CHMP7: variants seen among roughly 807,000 people sequenced by gnomAD.
CHMP7 encodes charged multivesicular body protein 7, also known as CHMP family, member 7.
CHMP7 carries 15 observed loss-of-function variants against 53.7 expected under a neutral mutation model. The ratio of observed to expected loss-of-function variants is 0.28; its 90% CI spans 0.19 to 0.43. The LOEUF (loss-of-function observed/expected upper bound fraction) is 0.43. CHMP7 is among the 20% of genes least tolerant of loss of function. The pLI is 1.00. For missense variants in CHMP7, 527 were observed against 569.4 expected (o/e 0.93, Z 0.76); for synonymous variants, 261 against 228.0 (o/e 1.14, Z -1.30).
intron 3 of CHMP7, among the ~76,000 whole-genome samples, chr8:23,254,185 C>CT (rs61432885): frequency 0.38 from 50,522 of 134,694 alleles, 9,406 homozygotes; most frequent in South Asian, 0.54. Context: ...TTCTGCTCAA[C>CT]TTTTTTTTTT....
chr8:23,258,390 A>C lies in CHMP7; in HGVS notation c.901A>C (p.Lys301Gln). The change falls in exon 7 of 11, where the codon AAG (lysine) becomes CAG (glutamine). Residue 301 changes from lysine to glutamine, a missense_variant. Physicochemically the swap from Lys to Gln is moderately conservative, Grantham distance 53. Coordinates refer to ENST00000397677, the MANE Select transcript of CHMP7 (RefSeq NM_152272.5). ...GAAGCGCATCGAGGCCTTGCATGCC[A>C]AGCTGGACACTGTTCAAGGCATCCT... ...TEKRIEALHAKLDTVQGILDR... is the reference protein window; with the variant it reads ...TEKRIEALHAQLDTVQGILDR... 6.2e-7 allele frequency: 1 copy of C among 1,614,104 alleles called. No homozygotes were observed. Among genetic ancestry groups the C allele is most frequent in the South Asian group, 1.1e-5 (1 of 91,074 alleles).
chr8:23,253,111 A>C (rs886248297), intron 3 of CHMP7, among the ~76,000 whole-genome samples: 4 of 151,904 alleles, frequency 2.6e-5, no homozygotes, highest in Non-Finnish European at 5.9e-5. Context: ...CTTCCTAAAC[A>C]GTGGTCTTCC....
At position 23,246,267 on chromosome 8, in the gene CHMP7, T is replaced by C. The variant is rs2128856194; in HGVS notation, c.-429T>C. ...TTCCCTCTATACAGAGATTCACGGATCCATCCGGGTGGTCCGGGCACCACT... is the reference window on the plus strand; with the variant it reads ...TTCCCTCTATACAGAGATTCACGGACCCATCCGGGTGGTCCGGGCACCACT... On this transcript the variant is annotated 5_prime_UTR_variant, in exon 2 of 11. Coordinates refer to ENST00000397677, the MANE Select transcript of CHMP7 (RefSeq NM_152272.5). 1 of 177,678 alleles carries C rather than the reference T, an allele frequency of 5.6e-6. No individual in the cohort carries two copies. The highest frequency in any genetic ancestry group is 1.2e-5 in the Non-Finnish European group (1 of 83,798). The allele number at this position is 177,678 out of a possible 1,614,324, so 11.0% of individuals were successfully genotyped here.
chr8:23,246,868 C>A lies in CHMP7; in HGVS notation c.173C>A (p.Pro58Gln). 1.3e-6 allele frequency: 2 copies of A among 1,593,912 alleles called. No homozygotes were observed. Among genetic ancestry groups the A allele is most frequent in the East Asian group, 2.3e-5 (1 of 43,798 alleles). Residue 58 changes from proline to glutamine, a missense_variant, in exon 2 of 11, where the codon CCG becomes CAG. Physicochemically the swap from Pro to Gln is moderately conservative, Grantham distance 76. Transcript: ENST00000397677. ...DWDSKMGFWA[P>Q]LVLSHSRRQG... ...GACAGCAAGATGGGCTTCTGGGCGC[C>A]GTTGGTGCTGAGCCACAGCCGCCGC... is the stretch of plus-strand genomic sequence containing the variant.
At chr8:23,244,960 A>G (rs562970123) in intron 1 of CHMP7, among the ~76,000 whole-genome samples, 195 of 152,172 alleles carry the variant, frequency 1.3e-3, no homozygotes, top group Non-Finnish European at 2.4e-3. Flanking sequence ...ATGGGAATTG[A>G]CTTTTATACA....
intron 1 of CHMP7, among the ~76,000 whole-genome samples, chr8:23,244,361 ATGTAGG>A (rs1331974809): frequency 1.3e-5 from 2 of 152,150 alleles, no homozygotes; most frequent in Admixed American, 6.5e-5. Flanking sequence ...TTGTTTTTGC[ATGTAGG>A]TGTACAGTTG....
chr8:23,257,961 C>A, intron 5 of CHMP7, 72 bp from the exon 6 acceptor site: 1 of 1,029,034 alleles, frequency 9.7e-7, no homozygotes, highest in Non-Finnish European at 1.5e-6. Context: ...GAGTGCTGCT[C>A]TCAGGGACCC....
chr8:23,256,489 C>A lies in CHMP7; in HGVS notation c.687C>A (p.Ala229=). 1 of 1,607,340 alleles carries A rather than the reference C, an allele frequency of 6.2e-7. No homozygotes were observed. Among genetic ancestry groups the A allele is most frequent in the African/African-American group, 1.3e-5 (1 of 74,930 alleles). ...KIVKFARGPR[A]KVSPVNDVDV... Reference sequence around the variant, plus strand: ...TGAAGTTTGCCCGAGGGCCACGTGCCAAGGTCTCTCCAGTCAATGACGTAG... The same window carrying A: ...TGAAGTTTGCCCGAGGGCCACGTGCAAAGGTCTCTCCAGTCAATGACGTAG... Residue 229 remains alanine (A), a synonymous_variant, in exon 5 of 11, where the codon GCC becomes GCA. Coordinates refer to ENST00000397677, the MANE Select transcript of CHMP7 (RefSeq NM_152272.5).
chr8:23,251,241 G>C, intron 3 of CHMP7, among the ~76,000 whole-genome samples: 1 of 152,214 alleles, frequency 6.6e-6, no homozygotes, highest in South Asian at 2.1e-4. Context: ...CAGAGAAACA[G>C]CCAGTAACTT....
Position 23,258,053 on chromosome 8 carries a change from G to T in CHMP7, c.812G>T (p.Arg271Leu). The change falls in exon 6 of 11, where the codon CGG becomes CTG. Residue 271 changes from arginine to leucine, a missense_variant. Arg to Leu is a moderately radical substitution (Grantham distance 102). Coordinates refer to ENST00000397677, the MANE Select transcript of CHMP7 (RefSeq NM_152272.5). Reference protein sequence around the residue: ...EAERCKEEARRACRAGKKQLA... With the variant: ...EAERCKEEARLACRAGKKQLA... ...TCCAGGTGTAAAGAAGAAGCCCGCC[G>T]GGCATGCCGAGCAGGAAAGAAGCAG... The T allele has an allele frequency of 1.2e-6, 2 of 1,613,284 alleles. No homozygotes were observed. The highest frequency in any genetic ancestry group is 1.7e-6 in the Non-Finnish European group (2 of 1,179,438).
intron 2 of CHMP7, among the ~76,000 whole-genome samples, chr8:23,248,926 C>G (rs1435817777): frequency 6.6e-6 from 1 of 152,196 alleles, no homozygotes; most frequent in Non-Finnish European, 1.5e-5. Flanking sequence ...CCTTTTGGTT[C>G]CAGACCTATC....
In CHMP7 at chr8:23,244,234, G is replaced by T. The variant is rs539989888; in HGVS notation, c.-441+390G>T. 2.0e-5 allele frequency among the ~76,000 whole-genome samples: 3 copies of T among 152,164 alleles called. No homozygotes were observed. The South Asian group carries it at 6.2e-4, about 32-fold the overall frequency. The stretch of plus-strand genomic sequence containing the variant: ...CTAAAAAGTAATCATGATGCCCAAG[G>T]TCATCTAGATGTTTTGTCTTCTAGG... On this transcript the variant is annotated intron_variant, in intron 1 of 10. Transcript: ENST00000397677.
intron 3 of CHMP7, 69 bp from the exon 4 acceptor site, chr8:23,255,177 CT>C: frequency 1.3e-6 from 2 of 1,527,460 alleles, no homozygotes; most frequent in Non-Finnish European, 1.8e-6. Context: ...GGTTTTGAAA[CT>C]CAGGGTCAGG....
At chr8:23,248,465 A>G (rs984290757) in intron 2 of CHMP7, among the ~76,000 whole-genome samples, 4 of 152,216 alleles carry the variant, frequency 2.6e-5, no homozygotes, top group African/African-American at 7.2e-5. Context: ...CCTAATAGTT[A>G]ACAGCTTTTG....
In CHMP7 at chr8:23,246,625, G is replaced by C; in HGVS notation, c.-71G>C. ...AGGAGGTGGTCAAGGAACGGAAGCC[G>C]GGAGGGAACGAGGGCGGAAGCGGAC... On this transcript the variant is annotated 5_prime_UTR_variant, in exon 2 of 11. Transcript: ENST00000397677. The C allele has an allele frequency of 7.5e-7, 1 of 1,332,216 alleles. No individual in the cohort carries two copies. The highest frequency in any genetic ancestry group is 1.4e-5 in the South Asian group (1 of 72,040). The allele number at this position is 1,332,216 out of a possible 1,614,324, so 82.5% of individuals were successfully genotyped here.
At chr8:23,257,147 G>T in intron 5 of CHMP7, among the ~76,000 whole-genome samples, 1 of 146,180 alleles carries the variant, frequency 6.8e-6, no homozygotes, top group Non-Finnish European at 1.5e-5. Flanking sequence ...CCCCTAGGCT[G>T]GAGAGCAGTG....
chr8:23,260,682 A>T lies in CHMP7; in HGVS notation c.*83A>T. The stretch of plus-strand genomic sequence containing the variant: ...ATAGTTATTTAAACAAGAAACTCTC[A>T]GAATGTGTTTGGAAGAGGAGAAAGG... On this transcript the variant is annotated 3_prime_UTR_variant, in exon 11 of 11. Transcript: ENST00000397677. The T allele has an allele frequency of 9.1e-7, 1 of 1,094,890 alleles. No homozygotes were observed. The highest frequency in any genetic ancestry group is 1.4e-6 in the Non-Finnish European group (1 of 709,644). 67.8% of individuals were successfully genotyped at this position (1,094,890 alleles called of 1,614,324 possible). A position where few individuals can be genotyped will look rare whatever the true frequency, so the allele number is the denominator to read the frequency against.
rs1177349899 is a variant in CHMP7 at position 23,261,922 on chromosome 8, A to C, written c.*1323A>C. On this transcript the variant is annotated 3_prime_UTR_variant, in exon 11 of 11. Transcript: ENST00000397677. ...TCCAACTCGACCTTGGTAAACGGAA[A>C]TGTTGGGGGTGAAGAGAAACAATCA... 1 of 152,602 alleles carries C rather than the reference A, an allele frequency of 6.6e-6. No homozygotes were observed. Among genetic ancestry groups the C allele is most frequent in the Non-Finnish European group, 1.5e-5 (1 of 68,022 alleles). The allele number at this position is 152,602 out of a possible 1,614,324, so 9.5% of individuals were successfully genotyped here.
At chr8:23,255,144 G>A (rs1219128291) in intron 3 of CHMP7, 103 bp from the exon 4 acceptor site, 18 of 1,176,046 alleles carry the variant, frequency 1.5e-5, no homozygotes, top group Middle Eastern at 5.3e-4. Flanking sequence ...TGGGATTCCC[G>A]GGTGCTTGCC....
Sources: allele counts gnomAD v4.1 joint callset (sites outside exome capture counted in the v4.1 genomes callset), GRCh38; gene constraint gnomAD v4.1.1; transcripts MANE v1.5; gene names NCBI Gene and HGNC (gene_info 2026-07-23, HGNC 2026-07-21).